KLRC1: variants seen among roughly 807,000 people sequenced by gnomAD.
KLRC1 encodes NKG2-A/NKG2-B type II integral membrane protein.
A neutral mutation model predicts 25.9 loss-of-function variants in KLRC1; 22 were observed. The ratio of observed to expected loss-of-function variants is 0.85; its 90% CI spans 0.61 to 1.21. The LOEUF is 1.21. Ranked by LOEUF, KLRC1 falls within the 50% of genes most tolerant of loss-of-function variation. KLRC1 has a pLI of 0.00. For synonymous variants in KLRC1, 77 were observed against 93.1 expected, an observed-to-expected ratio of 0.83 and a Z score of 0.99; for missense variants, 240 against 272.2, an observed-to-expected ratio of 0.88 and a Z score of 0.83.
At chr12:10,445,217 CAGCACTG>C (rs1394129808), downstream of KLRC1, among the ~76,000 whole-genome samples, 1 of 151,968 alleles carries the variant, frequency 6.6e-6, no homozygotes, top group Admixed American at 6.6e-5. Context: ...CACACCCGGC[CAGCACTG>C]ATATTTTATG....
In KLRC1 at chr12:10,450,429, C is replaced by T; in HGVS notation, c.283+55G>A. On this transcript the variant is annotated intron_variant, in intron 3 of 6. Transcript: ENST00000359151. ...CCTGAAAATATGAAATGTTTAGAGGCACATTCAATCATTAACGTGAAAATT... is the reference window on the plus strand; with the variant it reads ...CCTGAAAATATGAAATGTTTAGAGGTACATTCAATCATTAACGTGAAAATT... 3 of 921,300 alleles carry T rather than the reference C, an allele frequency of 3.3e-6. No homozygotes were observed. The South Asian group carries it at 4.3e-5, about 13-fold the overall frequency. The allele number at this position is 921,300 out of a possible 1,614,324, so 57.1% of individuals were successfully genotyped here. A position where few individuals can be genotyped will look rare whatever the true frequency, so the allele number is the denominator to read the frequency against.
downstream of KLRC1, among the ~76,000 whole-genome samples, chr12:10,444,687 AAT>A (rs1194905347): frequency 6.6e-6 from 1 of 152,176 alleles, no homozygotes; most frequent in African/African-American, 2.4e-5. Flanking sequence ...TTCCTAGAAA[AAT>A]AGTCTACAAA....
rs149784258 is a variant in KLRC1, at chr12:10,450,007, C to G, written c.284-40G>C. On this transcript the variant is annotated intron_variant, in intron 3 of 6. Coordinates refer to ENST00000359151, the MANE Select transcript of KLRC1 (RefSeq NM_002259.5). ...GTAATCTTTGTAAAAAAATTAGCAT[C>G]TAAATCAATCATAATAATTTTAAGT... 66 of 1,312,804 alleles carry G rather than the reference C, an allele frequency of 5.0e-5. No individual in the cohort carries two copies. In the African/African-American group the frequency reaches 1.1e-3, roughly 22 times the overall value. The allele number at this position is 1,312,804 out of a possible 1,614,324, so 81.3% of individuals were successfully genotyped here.
At chr12:10,450,932 C>G in intron 2 of KLRC1, 38 bp downstream of exon 2, 1 of 1,487,748 alleles carries the variant, frequency 6.7e-7, no homozygotes, top group Non-Finnish European at 9.2e-7. Flanking sequence ...AGCTGCACAT[C>G]CTAGACTGTT....
intron 1 of KLRC1, among the ~76,000 whole-genome samples, chr12:10,452,498 C>T (rs897652020): frequency 3.3e-5 from 5 of 152,008 alleles, no homozygotes; most frequent in South Asian, 2.1e-4. Context: ...ACATATAAAA[C>T]GTTGCATGTA....
intron 2 of KLRC1, 130 bp downstream of exon 2, chr12:10,450,840 A>G (rs1864108526): frequency 1.2e-5 from 9 of 730,304 alleles, no homozygotes; most frequent in Non-Finnish European, 1.9e-5. Flanking sequence ...TTGAAATAGC[A>G]TATCTCAACT....
chr12:10,452,904 AT>A (rs1864153920), intron 1 of KLRC1, among the ~76,000 whole-genome samples: 1 of 152,214 alleles, frequency 6.6e-6, no homozygotes, highest in African/African-American at 2.4e-5. Context: ...TGATGTACTG[AT>A]TACAAAATAC....
intron 6 of KLRC1, among the ~76,000 whole-genome samples, chr12:10,447,075 A>G (rs1275225297): frequency 1.3e-5 from 2 of 152,254 alleles, no homozygotes; most frequent in East Asian, 1.9e-4. Flanking sequence ...TGGCTTTTTA[A>G]TAAAAACAAG....
intron 3 of KLRC1, chr12:10,450,233 T>G: frequency 4.5e-6 from 2 of 440,198 alleles, no homozygotes; most frequent in Non-Finnish European, 7.9e-6. Flanking sequence ...CTCAGTAAGG[T>G]TTTTCAGACT....
chr12:10,451,649 C>T lies in KLRC1; in HGVS notation c.-31-462G>A, dbSNP rs1202459212. Among the ~76,000 whole-genome samples, 4 of 117,436 alleles carry T rather than the reference C, an allele frequency of 3.4e-5. No homozygotes were observed. The South Asian group carries it at 1.1e-3, about 33-fold the overall frequency. 77.0% of individuals were successfully genotyped at this position (117,436 alleles called of 152,430 possible). A position where few individuals can be genotyped will look rare whatever the true frequency, so the allele number is the denominator to read the frequency against. The stretch of plus-strand genomic sequence containing the variant: ...CCAGCCTGGGCGACAGAGTGAGACT[C>T]CGACTCAAAAAAAAAAGATAAATTT... On this transcript the variant is annotated intron_variant, in intron 1 of 6. Transcript: ENST00000359151.
At chr12:10,454,486 T>C (rs2137903751), upstream of KLRC1, 1 of 305,536 alleles carries the variant, frequency 3.3e-6, no homozygotes, top group Non-Finnish European at 4.8e-6. Context: ...GCATATCAAC[T>C]GTAGTCTCAA....
upstream of KLRC1, among the ~76,000 whole-genome samples, chr12:10,453,876 A>G (rs1864167752): frequency 6.6e-6 from 1 of 152,154 alleles, no homozygotes; most frequent in Non-Finnish European, 1.5e-5. Flanking sequence ...TTTGCACTTA[A>G]TTTTTAAAAA....
At chr12:10,445,735 G>C (rs1482959466), downstream of KLRC1, among the ~76,000 whole-genome samples, 1 of 152,012 alleles carries the variant, frequency 6.6e-6, no homozygotes, top group African/African-American at 2.4e-5. Context: ...GGAATAAGTA[G>C]ATATAAAATC....
chr12:10,453,434 T>A (rs1864161773), upstream of KLRC1: 1 of 846,622 alleles, frequency 1.2e-6, no homozygotes, highest in Non-Finnish European at 1.4e-6. Context: ...ATTCTACACA[T>A]GGGCTATTGT....
Position 10,450,975 on chromosome 12 carries a change from C to T in KLRC1, c.182G>A (p.Cys61Tyr). Residue 61 changes from cysteine to tyrosine, a missense_variant, in exon 2 of 7, where the codon TGC (cysteine) becomes TAC (tyrosine). Cys to Tyr is a radical substitution (Grantham distance 194, BLOSUM62 -2). Transcript: ENST00000359151. Reference sequence around the variant, plus strand: ...GGATCTTTTAAATGCTTTACCTTTGCAGTGATAGGTTTTGTCATTCCCTTG... The same window carrying T: ...GGATCTTTTAAATGCTTTACCTTTGTAGTGATAGGTTTTGTCATTCCCTTG... ...DFQGNDKTYH[C>Y]KDLPSAPEKL... 1 of 1,607,004 alleles carries T rather than the reference C, an allele frequency of 6.2e-7. No homozygotes were observed.
chr12:10,446,265 A>G lies in KLRC1; in HGVS notation c.*286T>C, dbSNP rs537171009. The stretch of plus-strand genomic sequence containing the variant: ...AACCACTATTCTACTTTCTGTCTCC[A>G]TGGGTTTGACTGTTCTTGGTACTTC... On this transcript the variant is annotated 3_prime_UTR_variant, in exon 7 of 7. Transcript: ENST00000359151. 3.2e-4 allele frequency: 194 copies of G among 612,792 alleles called. No homozygotes were observed. The Middle Eastern group carries it at 3.4e-3, about 11-fold the overall frequency. The allele number at this position is 612,792 out of a possible 1,614,324, so 38.0% of individuals were successfully genotyped here.
downstream of KLRC1, among the ~76,000 whole-genome samples, chr12:10,445,536 A>T (rs1173534535): frequency 1.3e-5 from 2 of 152,184 alleles, no homozygotes; most frequent in East Asian, 3.8e-4. Flanking sequence ...CAGAACTTTG[A>T]TTGTACCTTC....
chr12:10,451,025 G>A lies in KLRC1; in HGVS notation c.132C>T (p.Asn44=). The change falls in exon 2 of 7, where the codon AAC becomes AAT. Residue 44 remains asparagine, a synonymous_variant. Coordinates refer to ENST00000359151, the MANE Select transcript of KLRC1 (RefSeq NM_002259.5). ...TEQEITYAEL[N]LQKASQDFQG... ...GAAAATCCTGAGAAGCTTTTTGAAG[G>A]TTTAATTCCGCATAGGTTATTTCCT... is the stretch of plus-strand genomic sequence containing the variant. The A allele has an allele frequency of 1.2e-6, 2 of 1,613,924 alleles. No individual in the cohort carries two copies. The highest frequency in any genetic ancestry group is 1.7e-6 in the Non-Finnish European group (2 of 1,179,922).
intron 1 of KLRC1, among the ~76,000 whole-genome samples, chr12:10,451,700 T>G (rs1356783040): frequency 6.6e-6 from 1 of 152,060 alleles, no homozygotes; most frequent in African/African-American, 2.4e-5. Context: ...ATATTATTGC[T>G]GGGGCAATGA....
Sources: gnomAD v4.1 joint callset for allele counts (sites outside exome capture counted in the v4.1 genomes callset) on GRCh38, gnomAD v4.1.1 for gene constraint, MANE v1.5 for transcripts, NCBI Gene and HGNC (gene_info 2026-07-23, HGNC 2026-07-21) for gene names.